SCHIP1: variants seen among roughly 807,000 people sequenced by gnomAD.
The protein encoded by SCHIP1 is schwannomin interacting protein 1.
A neutral mutation model predicts 29.7 loss-of-function variants in SCHIP1; 8 were observed. That is an observed-to-expected ratio of 0.27 (90% CI 0.16 to 0.49). The LOEUF is 0.49. SCHIP1 is among the 20% of genes least tolerant of loss of function. SCHIP1 has a pLI of 0.99. For synonymous variants in SCHIP1, 76 were observed against 94.9 expected (o/e 0.80, Z 1.16); for missense variants, 193 against 294.6 (o/e 0.66, Z 2.52).
At chr3:159,494,294 A>G in the SCHIP1 span, among the ~76,000 whole-genome samples, 1 of 152,092 alleles carries the variant, frequency 6.6e-6, no homozygotes, top group African/African-American at 2.4e-5. Context: ...AAACTCTTCA[A>G]AAAAATCAGT....
chr3:159,754,052 C>T, the SCHIP1 span, among the ~76,000 whole-genome samples: 3 of 137,138 alleles, frequency 2.2e-5, no homozygotes, highest in African/African-American at 7.5e-5. Flanking sequence ...ATGTCTGTTC[C>T]TCCACTAGAC....
At chr3:159,299,505 C>A in the SCHIP1 span, among the ~76,000 whole-genome samples, 1,251 of 152,210 alleles carry the variant, frequency 8.2e-3, 15 homozygotes, top group African/African-American at 0.029. Context: ...CCCATAAAAC[C>A]AAGGTGACAT....
chr3:159,492,063 C>A, the SCHIP1 span, among the ~76,000 whole-genome samples: 4 of 152,166 alleles, frequency 2.6e-5, no homozygotes, highest in Non-Finnish European at 5.9e-5. Context: ...GGAAAACTAA[C>A]AAACAGAAAG....
the SCHIP1 span, among the ~76,000 whole-genome samples, chr3:159,749,843 C>T: frequency 4.8e-3 from 735 of 152,088 alleles, 11 homozygotes; most frequent in Admixed American, 0.023. Context: ...CATCAATGAA[C>T]GTATTATAGT....
the SCHIP1 span, among the ~76,000 whole-genome samples, chr3:159,315,614 A>G: frequency 1.3e-5 from 2 of 151,714 alleles, no homozygotes; most frequent in Non-Finnish European, 2.9e-5. Flanking sequence ...TCATTTTAGA[A>G]CCATAGCCTA....
intron 6 of SCHIP1, among the ~76,000 whole-genome samples, chr3:159,895,748 TG>T (rs1717996677): frequency 6.6e-6 from 1 of 152,152 alleles, no homozygotes; most frequent in Non-Finnish European, 1.5e-5. Context: ...CAGGCTGGAG[TG>T]CAATGGCATG....
At chr3:159,629,085 A>G in the SCHIP1 span, among the ~76,000 whole-genome samples, 1 of 152,152 alleles carries the variant, frequency 6.6e-6, no homozygotes, top group Non-Finnish European at 1.5e-5. Flanking sequence ...TACGGTAATG[A>G]TAATGCATAA....
the SCHIP1 span, among the ~76,000 whole-genome samples, chr3:159,291,959 A>G: frequency 6.6e-6 from 1 of 152,288 alleles, no homozygotes; most frequent in African/African-American, 2.4e-5. Context: ...AACCAAATAC[A>G]GTATGTGGGC....
chr3:159,651,528 C>A, the SCHIP1 span, among the ~76,000 whole-genome samples: 2 of 152,150 alleles, frequency 1.3e-5, no homozygotes, highest in African/African-American at 4.8e-5. Context: ...TTATTACTAA[C>A]AATATAGTTG....
At chr3:159,428,468 T>A in the SCHIP1 span, among the ~76,000 whole-genome samples, 1 of 152,184 alleles carries the variant, frequency 6.6e-6, no homozygotes, top group African/African-American at 2.4e-5. Context: ...CTGGCCATCA[T>A]AGAAACGCAA....
chr3:159,500,766 A>C, the SCHIP1 span, among the ~76,000 whole-genome samples: 15 of 151,986 alleles, frequency 9.9e-5, no homozygotes, highest in Non-Finnish European at 1.8e-4. Flanking sequence ...CCATATGCTA[A>C]TATGTTGCAA....
chr3:159,425,814 T>C, the SCHIP1 span, among the ~76,000 whole-genome samples: 2 of 152,238 alleles, frequency 1.3e-5, no homozygotes, highest in Non-Finnish European at 2.9e-5. Flanking sequence ...TCAGCAAATG[T>C]AAAAGAACAG....
the SCHIP1 span, among the ~76,000 whole-genome samples, chr3:159,332,960 C>G: frequency 4.6e-5 from 7 of 152,128 alleles, no homozygotes; most frequent in African/African-American, 1.7e-4. Flanking sequence ...TGCTGGACAG[C>G]CTGCATCAGT....
At chr3:159,707,601 G>T in the SCHIP1 span, among the ~76,000 whole-genome samples, 1 of 152,102 alleles carries the variant, frequency 6.6e-6, no homozygotes, top group Non-Finnish European at 1.5e-5. Context: ...CAGCATTAAG[G>T]CTGGGATTAT....
chr3:159,625,582 G>A, the SCHIP1 span, among the ~76,000 whole-genome samples: 4 of 151,680 alleles, frequency 2.6e-5, no homozygotes, highest in African/African-American at 9.7e-5. Flanking sequence ...TTTTTCTAGC[G>A]AGTTTGCTTC....
the SCHIP1 span, among the ~76,000 whole-genome samples, chr3:159,554,835 A>G: frequency 6.6e-6 from 1 of 151,892 alleles, no homozygotes; most frequent in African/African-American, 2.4e-5. Context: ...GGGCATATCC[A>G]GTTATTTCCC....
At chr3:159,532,421 G>A in the SCHIP1 span, among the ~76,000 whole-genome samples, 6 of 151,686 alleles carry the variant, frequency 4.0e-5, no homozygotes, top group East Asian at 1.9e-4. Flanking sequence ...AACATCATTT[G>A]GTTCACTCAT....
the SCHIP1 span, among the ~76,000 whole-genome samples, chr3:159,637,841 T>C: frequency 6.6e-6 from 1 of 152,220 alleles, no homozygotes; most frequent in Non-Finnish European, 1.5e-5. Context: ...GATATTTCTA[T>C]AATATTTAAA....
chr3:159,422,810 T>C, the SCHIP1 span, among the ~76,000 whole-genome samples: 2 of 152,220 alleles, frequency 1.3e-5, no homozygotes, highest in Admixed American at 6.5e-5. Context: ...AGTATTCCAT[T>C]GTGTGGGTAT....
Sources: allele counts gnomAD v4.1 joint callset (sites outside exome capture counted in the v4.1 genomes callset), GRCh38; gene constraint gnomAD v4.1.1; transcripts MANE v1.5; gene names NCBI Gene and HGNC (gene_info 2026-07-23, HGNC 2026-07-21).